NCOR1: variants seen among roughly 807,000 people sequenced by gnomAD.
The protein encoded by NCOR1 is nuclear receptor corepressor 1, also known as protein phosphatase 1, regulatory subunit 109.
NCOR1 carries 63 observed loss-of-function variants against 288.1 expected under a neutral mutation model. That is an observed-to-expected ratio of 0.22 (90% CI 0.18 to 0.27). The LOEUF (loss-of-function observed/expected upper bound fraction) is 0.27. Among genes scored for constraint, NCOR1 ranks in the 10% least tolerant of loss-of-function variants. The probability of loss-of-function intolerance (pLI) is 1.00; values close to 1 mark genes in which losing one functional copy is unlikely to be tolerated. For missense variants in NCOR1, 2,397 were observed against 3,019.2 expected (o/e 0.79, Z 4.83); for synonymous variants, 1,007 against 1,065.9 (o/e 0.94, Z 1.08).
rs979335048 is a variant in NCOR1 at position 16,095,801 on chromosome 17, G to A, written c.2820+2566C>T. Among the ~76,000 whole-genome samples the A allele has an allele frequency of 7.2e-5, 11 of 151,754 alleles. No individual in the cohort carries two copies. In the East Asian group the frequency reaches 9.8e-4, roughly 13 times the overall value. ...TGGGAAGTGAGGAGCCCCTCTGCCC[G>A]GCCACCACCCCGTCTGGGAGGAGGT... On this transcript the variant is annotated intron_variant, in intron 21 of 45. Coordinates refer to ENST00000268712, the MANE Select transcript of NCOR1 (RefSeq NM_006311.4).
intron 2 of NCOR1, chr17:16,191,755 G>A (rs1046326248): frequency 6.6e-6 from 1 of 152,094 alleles, no homozygotes; most frequent in South Asian, 2.1e-4. Context: ...CAAATTTTAT[G>A]AAAATTGTAA....
intron 1 of NCOR1, among the ~76,000 whole-genome samples, chr17:16,206,796 G>A (rs2091564027): frequency 6.6e-6 from 1 of 152,074 alleles, no homozygotes; most frequent in African/African-American, 2.4e-5. Context: ...TAAAAGAATA[G>A]TACATTATGA....
In NCOR1 at chr17:16,039,470, C is replaced by T; in HGVS notation, c.6918G>A (p.Glu2306=). The change falls in exon 44 of 46, where the codon GAG becomes GAA. Residue 2306 remains glutamate (E), a synonymous_variant. Coordinates refer to ENST00000268712, the MANE Select transcript of NCOR1 (RefSeq NM_006311.4). ...TANTSVVTSG[E]TRREEGDPSP... is the part of the protein sequence containing the mutation. The stretch of plus-strand genomic sequence containing the variant: ...ATGGGTCCCCTTCCTCTCTTCGTGT[C>T]TCACCACTGGTCACAACTGAGGTGT... The T allele has an allele frequency of 1.9e-6, 3 of 1,614,124 alleles. No individual in the cohort carries two copies. The highest frequency in any genetic ancestry group is 1.7e-4 in the Middle Eastern group (1 of 6,058).
At chr17:16,210,729 A>ATT (rs144734223) in intron 1 of NCOR1, among the ~76,000 whole-genome samples, 23 of 143,386 alleles carry the variant, frequency 1.6e-4, no homozygotes, top group Admixed American at 1.4e-4. Context: ...ATTCACTCCA[A>ATT]TTTTTTTTTT....
intron 14 of NCOR1, among the ~76,000 whole-genome samples, chr17:16,126,569 G>T (rs1478181881): frequency 2.0e-5 from 3 of 152,064 alleles, no homozygotes; most frequent in Non-Finnish European, 4.4e-5. Flanking sequence ...AATTTATCAT[G>T]TTTTAGATAC....
intron 40 of NCOR1, among the ~76,000 whole-genome samples, chr17:16,056,649 C>T (rs2059962565): frequency 2.0e-5 from 3 of 151,950 alleles, no homozygotes; most frequent in African/African-American, 7.2e-5. Flanking sequence ...TCCCTTTGTG[C>T]TTGTTAACTA....
In NCOR1 at chr17:16,140,997, C is replaced by CAAAAAAA. The variant is rs372397821; in HGVS notation, c.1174-1818_1174-1812dup. Among the ~76,000 whole-genome samples the CAAAAAAA allele has an allele frequency of 1.8e-3, 206 of 113,732 alleles. 1 individual carries two copies. The highest frequency in any genetic ancestry group is 6.0e-3 in the African/African-American group (179 of 29,794). 74.6% of individuals were successfully genotyped at this position (113,732 alleles called of 152,430 possible). On this transcript the variant is annotated intron_variant, in intron 11 of 45. Transcript: ENST00000268712. ...CAGAGTAAGACCCTATCTCCTATCTCAAAAAAAAAAAAAAGGAAAATTCAC... is the reference window on the plus strand; with the variant it reads ...CAGAGTAAGACCCTATCTCCTATCTCAAAAAAAAAAAAAAAAAAAAAGGAAAATTCAC...
At chr17:16,077,661 G>T (rs1598287625) in intron 26 of NCOR1, among the ~76,000 whole-genome samples, 1 of 151,818 alleles carries the variant, frequency 6.6e-6, no homozygotes, top group Admixed American at 6.6e-5. Flanking sequence ...AAAAGAGAAA[G>T]AAAATGCTTT....
intron 32 of NCOR1, 90 bp downstream of exon 32, chr17:16,067,804 T>C (rs778482476): frequency 1.7e-6 from 2 of 1,198,936 alleles, no homozygotes; most frequent in Non-Finnish European, 2.3e-6. Context: ...ATATTTGCAA[T>C]TGTACTATAT....
rs553646883 is a variant in NCOR1 at position 16,033,376 on chromosome 17, C to G, written c.7136-893G>C. Among the ~76,000 whole-genome samples, 7 of 147,932 alleles carry G rather than the reference C, an allele frequency of 4.7e-5. No individual in the cohort carries two copies. In the East Asian group the frequency reaches 1.4e-3, roughly 29 times the overall value. The stretch of plus-strand genomic sequence containing the variant: ...AAAAACCCAAAAACATAAAACATAA[C>G]CATTTAATCAAATAATAAATCTCAT... On this transcript the variant is annotated intron_variant, in intron 45 of 45. Coordinates refer to ENST00000268712, the MANE Select transcript of NCOR1 (RefSeq NM_006311.4).
At chr17:16,137,264 AT>A in intron 14 of NCOR1, 46 bp downstream of exon 14, 1 of 1,308,762 alleles carries the variant, frequency 7.6e-7, no homozygotes, top group East Asian at 2.4e-5. Flanking sequence ...TTGCTTGCCT[AT>A]TTCCCCCAAT....
intron 15 of NCOR1, among the ~76,000 whole-genome samples, chr17:16,124,487 G>A (rs980692190): frequency 8.5e-5 from 13 of 152,178 alleles, no homozygotes; most frequent in Admixed American, 2.6e-4. Flanking sequence ...TTACACAAGT[G>A]CATATGCTTG....
intron 27 of NCOR1, among the ~76,000 whole-genome samples, chr17:16,073,804 A>G (rs1451089997): frequency 6.6e-6 from 1 of 152,226 alleles, no homozygotes; most frequent in Non-Finnish European, 1.5e-5. Flanking sequence ...TAACAAATTA[A>G]GTCCCTTTCT....
intron 32 of NCOR1, 94 bp from the exon 33 acceptor site, chr17:16,065,788 T>A: frequency 8.9e-7 from 1 of 1,124,716 alleles, no homozygotes; most frequent in Non-Finnish European, 1.3e-6. Flanking sequence ...AAAAATCACA[T>A]GCTGAGCTAG....
intron 2 of NCOR1, among the ~76,000 whole-genome samples, chr17:16,187,946 T>G (rs948415859): frequency 3.3e-5 from 5 of 150,160 alleles, no homozygotes; most frequent in African/African-American, 1.2e-4. Flanking sequence ...AACAAATCCA[T>G]AGAAACAGAA....
chr17:16,032,271 C>G lies in NCOR1; in HGVS notation c.*25G>C. On this transcript the variant is annotated 3_prime_UTR_variant, in exon 46 of 46. Transcript: ENST00000268712. ...AAAAACTAGAGATCCCTCTCCTGCACCCTGTTCCCCTCACTTTGTGCAGTT... is the reference window on the plus strand; with the variant it reads ...AAAAACTAGAGATCCCTCTCCTGCAGCCTGTTCCCCTCACTTTGTGCAGTT... 1 of 1,585,034 alleles carries G rather than the reference C, an allele frequency of 6.3e-7. No homozygotes were observed. The highest frequency in any genetic ancestry group is 1.4e-5 in the African/African-American group (1 of 73,584).
At chr17:16,139,652 C>A (rs567728864) in intron 11 of NCOR1, among the ~76,000 whole-genome samples, 1 of 152,032 alleles carries the variant, frequency 6.6e-6, no homozygotes, top group Non-Finnish European at 1.5e-5. Context: ...TTTAAGTCAG[C>A]GATTTTAAAT....
At chr17:16,054,540 T>C (rs1222263420) in intron 40 of NCOR1, among the ~76,000 whole-genome samples, 1 of 150,016 alleles carries the variant, frequency 6.7e-6, no homozygotes, top group African/African-American at 2.5e-5. Flanking sequence ...AAAAAGAGAG[T>C]GGGCAAATGA....
Position 16,171,889 on chromosome 17 carries a change from A to T in NCOR1, c.349T>A (p.Ser117Thr), listed in dbSNP as rs1460241674. ...GCAGCACTGACACGCTGAAAATGAG[A>T]ATCAGAAACCTGTTCCAGACGTGGT... Reference protein sequence around the residue: ...KRPRLEQVSDSHFQRVSAAVL... With the variant: ...KRPRLEQVSDTHFQRVSAAVL... Residue 117 changes from serine to threonine, a missense_variant, in exon 4 of 46, where the codon TCT becomes ACT. By Grantham distance (58) the Ser-to-Thr change is moderately conservative (BLOSUM62 1). This residue lies in a region of NCOR1 where 110 missense variants were observed against 123.2 expected (regional missense o/e 0.89). Transcript: ENST00000268712. 3.7e-6 allele frequency: 6 copies of T among 1,613,348 alleles called. No homozygotes were observed. Among genetic ancestry groups the T allele is most frequent in the Non-Finnish European group, 5.1e-6 (6 of 1,179,706 alleles).
Sources: gnomAD v4.1 joint callset for allele counts (sites outside exome capture counted in the v4.1 genomes callset) on GRCh38, gnomAD v4.1.1 for gene constraint, gnomAD v4.1.1 regional missense constraint, MANE v1.5 for transcripts, NCBI Gene and HGNC (gene_info 2026-07-23, HGNC 2026-07-21) for gene names.